Variants in WT1 observed in about 807,000 individuals in gnomAD.
WT1 encodes Wilms tumor protein.
In WT1, 8 loss-of-function variants were observed where a neutral mutation model predicts 60.8. The observed-to-expected ratio is 0.13, with a 90% CI of 0.08 to 0.24. The LOEUF (loss-of-function observed/expected upper bound fraction) is 0.24. Ranked by LOEUF, WT1 falls within the 10% of genes least tolerant of loss-of-function variation. WT1 has a pLI of 1.00. For missense variants in WT1, 568 were observed against 711.8 expected (o/e 0.80, Z 2.30); for synonymous variants, 312 against 297.1 (o/e 1.05, Z -0.52).
chr11:32,394,319 T>C (rs1851904074), intron 7 of WT1, among the ~76,000 whole-genome samples: 1 of 152,200 alleles, frequency 6.6e-6, no homozygotes, highest in Non-Finnish European at 1.5e-5. Context: ...TATCACTTTC[T>C]CTGCCCAAAC....
intron 9 of WT1, among the ~76,000 whole-genome samples, chr11:32,389,960 C>T (rs1015217201): frequency 3.9e-5 from 6 of 152,154 alleles, no homozygotes; most frequent in African/African-American, 7.2e-5. Context: ...GCTTCACACA[C>T]GCACACACAC....
chr11:32,428,081 C>A, intron 2 of WT1, 23 bp from the exon 3 acceptor site: 1 of 1,579,118 alleles, frequency 6.3e-7, no homozygotes, highest in Admixed American at 1.8e-5. Context: ...CCGAAGACAG[C>A]TGAGCGAGTG....
rs1564966361 is a variant in WT1, at chr11:32,388,066, C to A, written c.*992G>T. On this transcript the variant is annotated 3_prime_UTR_variant, in exon 10 of 10. Coordinates refer to ENST00000452863, the MANE Select transcript of WT1 (RefSeq NM_024426.6). ...CATCTTTAAACAATGGATTTCCTCA[C>A]CCAGTAAGTCTCATTTTTTTCACAT... is the stretch of plus-strand genomic sequence containing the variant. 1 of 232,914 alleles carries A rather than the reference C, an allele frequency of 4.3e-6. No individual in the cohort carries two copies. The highest frequency in any genetic ancestry group is 2.0e-4 in the South Asian group (1 of 5,062). 14.4% of individuals were successfully genotyped at this position (232,914 alleles called of 1,614,324 possible).
chr11:32,392,048 C>T lies in WT1; in HGVS notation c.1371G>A (p.Gln457=), dbSNP rs546743811. 2 of 1,614,140 alleles carry T rather than the reference C, an allele frequency of 1.2e-6. No individual in the cohort carries two copies. Among genetic ancestry groups the T allele is most frequent in the Admixed American group, 1.7e-5 (1 of 60,018 alleles). Reference sequence around the variant, plus strand: ...AGAACTTTCGCTGACAAGTTTTACACTGGAATGGTTTCACACCTAAATGGA... The same window carrying T: ...AGAACTTTCGCTGACAAGTTTTACATTGGAATGGTTTCACACCTAAATGGA... Residue 457 remains glutamine (Q), a synonymous_variant, in exon 9 of 10, where the codon CAG becomes CAA. Transcript: ENST00000452863.
chr11:32,430,787 C>T, intron 1 of WT1: 2 of 1,309,420 alleles, frequency 1.5e-6, no homozygotes, highest in South Asian at 2.7e-5. Flanking sequence ...TCCTTCAGGT[C>T]CCCCCGGGAG....
chr11:32,417,130 T>G (rs930759101), intron 4 of WT1, among the ~76,000 whole-genome samples: 8 of 152,166 alleles, frequency 5.3e-5, no homozygotes, highest in Non-Finnish European at 1.0e-4. Context: ...AGAAAAACCC[T>G]GTTGGTGCAA....
At chr11:32,407,620 T>C (rs1029723660) in intron 5 of WT1, among the ~76,000 whole-genome samples, 50 of 152,086 alleles carry the variant, frequency 3.3e-4, no homozygotes, top group African/African-American at 1.2e-3. Context: ...AACTCTTGTG[T>C]CTCTAAAACA....
chr11:32,430,502 G>C (rs780543841), intron 1 of WT1: 3 of 1,523,758 alleles, frequency 2.0e-6, no homozygotes, highest in Admixed American at 1.7e-5. Context: ...CGAAATAGAA[G>C]CTACGAAGAA....
chr11:32,429,993 A>G (rs1225574229), intron 1 of WT1, among the ~76,000 whole-genome samples: 6 of 128,442 alleles, frequency 4.7e-5, no homozygotes, highest in African/African-American at 2.4e-4. Flanking sequence ...AAAAAAAAAG[A>G]AAAAGAAAAA....
chr11:32,407,000 G>A (rs1033935556), intron 5 of WT1, among the ~76,000 whole-genome samples: 1 of 152,144 alleles, frequency 6.6e-6, no homozygotes, highest in Non-Finnish European at 1.5e-5. Flanking sequence ...TTGGGAGGCT[G>A]AGTCGAGAGA....
intron 3 of WT1, among the ~76,000 whole-genome samples, chr11:32,424,624 A>G (rs1274939590): frequency 3.9e-5 from 6 of 152,126 alleles, no homozygotes; most frequent in East Asian, 1.9e-4. Flanking sequence ...GATAGAGAAA[A>G]CCACCTCCTG....
intron 6 of WT1, 143 bp from the exon 7 acceptor site, chr11:32,396,550 A>ATC: frequency 9.7e-7 from 1 of 1,031,068 alleles, no homozygotes; most frequent in Non-Finnish European, 1.5e-6. Context: ...CACACTCCAG[A>ATC]TCCCCATGGC....
rs77801880 is a variant in WT1, at chr11:32,426,773, C to A, written c.887+1183G>T. Reference sequence around the variant, plus strand: ...GCATCCCTGCACCTCTCTAGAAACTCCCGGGAAGGAGAACCTTAGATGCGA... The same window carrying A: ...GCATCCCTGCACCTCTCTAGAAACTACCGGGAAGGAGAACCTTAGATGCGA... On this transcript the variant is annotated intron_variant, in intron 3 of 9. Coordinates refer to ENST00000452863, the MANE Select transcript of WT1 (RefSeq NM_024426.6). Among the ~76,000 whole-genome samples the A allele has an allele frequency of 4.1e-4, 62 of 152,346 alleles. 1 individual carries two copies. In the East Asian group the frequency reaches 9.9e-3, roughly 24 times the overall value.
intron 5 of WT1, among the ~76,000 whole-genome samples, chr11:32,410,744 A>G (rs1852471469): frequency 6.6e-6 from 1 of 152,226 alleles, no homozygotes; most frequent in Non-Finnish European, 1.5e-5. Flanking sequence ...ATACAGAACT[A>G]CATCTGTTGT....
rs2132939245 is a variant in WT1 at position 32,396,264 on chromosome 11, C to T, written c.1257G>A (p.Lys419=). 1 of 1,614,208 alleles carries T rather than the reference C, an allele frequency of 6.2e-7. No homozygotes were observed. The highest frequency in any genetic ancestry group is 8.5e-7 in the Non-Finnish European group (1 of 1,180,038). Residue 419 remains lysine, a synonymous_variant, in exon 7 of 10, where the codon AAG becomes AAA. Coordinates refer to ENST00000452863, the MANE Select transcript of WT1 (RefSeq NM_024426.6). ...GACAGCGGGCACACTTACCAGTGTG[C>T]TTCCTGCTGTGCATCTGTAAGTGGG...
At chr11:32,430,718 G>T in intron 1 of WT1, 1 of 1,398,304 alleles carries the variant, frequency 7.2e-7, no homozygotes. Flanking sequence ...AGCCCTCCTA[G>T]GCCTCCTCCC....
chr11:32,431,598 G>C (rs925232196), intron 1 of WT1, among the ~76,000 whole-genome samples: 10 of 102,832 alleles, frequency 9.7e-5, no homozygotes, highest in Middle Eastern at 5.6e-3. Flanking sequence ...CACCAAGCCC[G>C]GCCAATTTTT....
rs758624956 is a variant in WT1 at position 32,417,644 on chromosome 11, A to G, written c.898T>C (p.Tyr300His). The G allele has an allele frequency of 6.2e-7, 1 of 1,613,870 alleles. No homozygotes were observed. The highest frequency in any genetic ancestry group is 8.5e-7 in the Non-Finnish European group (1 of 1,179,878). ...CATTCAAGCTGGGATGTCATTTGGT[A>G]TAAATTGTCACTGTTAGAAAAACAT... The change falls in exon 4 of 10, where the codon TAC (tyrosine) becomes CAC (histidine). Residue 300 changes from tyrosine (Y) to histidine (H), a missense_variant. This residue lies in a region of WT1 where 523 missense variants were observed against 565.1 expected (regional missense o/e 0.93). Coordinates refer to ENST00000452863, the MANE Select transcript of WT1 (RefSeq NM_024426.6).
At position 32,430,558 on chromosome 11, in the gene WT1, G is replaced by C; in HGVS notation, c.662-1939C>G. The C allele has an allele frequency of 1.9e-6, 3 of 1,610,152 alleles. No homozygotes were observed. The South Asian group carries it at 3.3e-5, about 18-fold the overall frequency. ...TCTCCATTCCTGAGCCCAGGAGTAG[G>C]CAGGGACCCAGGGCACTGCACAATC... is the stretch of plus-strand genomic sequence containing the variant. On this transcript the variant is annotated intron_variant, in intron 1 of 9. Coordinates refer to ENST00000452863, the MANE Select transcript of WT1 (RefSeq NM_024426.6).
Sources: allele counts gnomAD v4.1 joint callset (sites outside exome capture counted in the v4.1 genomes callset), GRCh38; gene constraint gnomAD v4.1.1; regional missense constraint gnomAD v4.1.1; transcripts MANE v1.5; gene names NCBI Gene and HGNC (gene_info 2026-07-23, HGNC 2026-07-21).